The following CRHR2 variants were observed in gnomAD, a reference collection of about 807,000 sequenced individuals.
CRHR2 encodes the protein corticotropin releasing hormone receptor 2, also known as corticotropin-releasing hormone receptor 2.
In CRHR2, 53 loss-of-function variants were observed where a neutral mutation model predicts 57.9. The observed-to-expected ratio is 0.92, with a 90% CI of 0.73 to 1.15. The LOEUF is 1.15. Ranked by LOEUF, CRHR2 falls within the 50% of genes most tolerant of loss-of-function variation. The pLI, the probability that CRHR2 is intolerant of heterozygous loss-of-function variation, is 0.00. For missense variants in CRHR2, 532 were observed against 542.6 expected (o/e 0.98, Z 0.19); for synonymous variants, 213 against 220.9 (o/e 0.96, Z 0.32).
rs1396155110 is a variant in CRHR2, at chr7:30,658,528, G to GC, written c.831+2044dup. Reference sequence around the variant, plus strand: ...AGATGGGCTAAGAACTGAAGATGAGGCCCCCCTCCCAAATGAACTGAAGCA... The same window carrying GC: ...AGATGGGCTAAGAACTGAAGATGAGGCCCCCCCTCCCAAATGAACTGAAGCA... On this transcript the variant is annotated intron_variant, in intron 8 of 11. Coordinates refer to ENST00000471646, the MANE Select transcript of CRHR2 (RefSeq NM_001883.5). Among the ~76,000 whole-genome samples, 6 of 152,114 alleles carry GC rather than the reference G, an allele frequency of 3.9e-5. No individual in the cohort carries two copies. The East Asian group carries it at 9.7e-4, about 24-fold the overall frequency.
At chr7:30,671,762 G>A (rs1784360428) in intron 2 of CRHR2, among the ~76,000 whole-genome samples, 1 of 151,780 alleles carries the variant, frequency 6.6e-6, no homozygotes, top group Admixed American at 6.6e-5. Flanking sequence ...AGCTGAGATT[G>A]TGCCACTGCA....
intron 1 of CRHR2, among the ~76,000 whole-genome samples, chr7:30,693,477 C>T (rs1434303916): frequency 6.6e-6 from 1 of 152,350 alleles, no homozygotes; most frequent in East Asian, 1.9e-4. Context: ...GCACGGTGCT[C>T]TGCGCCCTCC....
intron 1 of CRHR2, among the ~76,000 whole-genome samples, chr7:30,690,895 T>C (rs917738163): frequency 4.6e-5 from 7 of 152,202 alleles, no homozygotes; most frequent in Non-Finnish European, 8.8e-5. Flanking sequence ...GTGTGTGTTG[T>C]GTGTGTGTCT....
intron 1 of CRHR2, chr7:30,699,937 C>A (rs755701912): frequency 6.6e-6 from 10 of 1,508,958 alleles, no homozygotes; most frequent in Admixed American, 4.3e-5. Context: ...CCACTCCCTG[C>A]ACTTACGTAT....
intron 5 of CRHR2, among the ~76,000 whole-genome samples, chr7:30,664,084 C>A (rs1237411314): frequency 6.6e-6 from 1 of 152,238 alleles, no homozygotes; most frequent in African/African-American, 2.4e-5. Context: ...TCTATTAGCA[C>A]AAGCCCACGT....
At chr7:30,655,484 G>T in intron 10 of CRHR2, 96 bp downstream of exon 10, 1 of 1,424,062 alleles carries the variant, frequency 7.0e-7, no homozygotes, top group Non-Finnish European at 9.5e-7. Flanking sequence ...AGCCATGGGT[G>T]TGCCAGTCCC....
At chr7:30,675,825 C>G (rs60335252) in intron 2 of CRHR2, among the ~76,000 whole-genome samples, 1 of 152,340 alleles carries the variant, frequency 6.6e-6, no homozygotes, top group East Asian at 1.9e-4. Context: ...CTTCCTAGAA[C>G]AGGAGCCCCT....
Position 30,665,279 on chromosome 7 carries a change from G to T in CRHR2, c.426-92C>A. ...GCCAGGTAGAGACTCAGCCTGGGAT[G>T]AGGGCAGGGCTGCACTAGGAGCCAC... On this transcript the variant is annotated intron_variant, in intron 4 of 11. Coordinates refer to ENST00000471646, the MANE Select transcript of CRHR2 (RefSeq NM_001883.5). This position sits in a 1 kb window ranked among gnomAD's most constrained non-coding sequence, Gnocchi z 4.5. The T allele has an allele frequency of 1.7e-6, 2 of 1,160,514 alleles. No individual in the cohort carries two copies. Among genetic ancestry groups the T allele is most frequent in the Non-Finnish European group, 1.3e-6 (1 of 781,428 alleles). 71.9% of individuals were successfully genotyped at this position (1,160,514 alleles called of 1,614,324 possible). A position where few individuals can be genotyped will look rare whatever the true frequency, so the allele number is the denominator to read the frequency against.
chr7:30,675,285 A>T (rs1424111427), intron 2 of CRHR2, among the ~76,000 whole-genome samples: 4 of 152,204 alleles, frequency 2.6e-5, no homozygotes, highest in African/African-American at 4.8e-5. Context: ...CTCCTCCTTC[A>T]GCCCGTCTTC....
Position 30,662,145 on chromosome 7 carries a change from C to A in CRHR2, c.758+11G>T. The A allele has an allele frequency of 6.2e-7, 1 of 1,613,906 alleles. No homozygotes were observed. Among genetic ancestry groups the A allele is most frequent in the South Asian group, 1.1e-5 (1 of 91,058 alleles). ...TCCCCATGACCCCCCATGGCTGGCCCATCCACTTACTGTTCATTCTCATAG... is the reference window on the plus strand; with the variant it reads ...TCCCCATGACCCCCCATGGCTGGCCAATCCACTTACTGTTCATTCTCATAG... On this transcript the variant is annotated intron_variant, in intron 7 of 11. Transcript: ENST00000471646.
Position 30,653,382 on chromosome 7 carries a change from G to A in CRHR2, c.*78C>T. On this transcript the variant is annotated 3_prime_UTR_variant, in exon 12 of 12. Coordinates refer to ENST00000471646, the MANE Select transcript of CRHR2 (RefSeq NM_001883.5). This position sits in a 1 kb window ranked among gnomAD's most constrained non-coding sequence, Gnocchi z 5.0. ...TCCCCTCCCATCTCCTGCCCCACGA[G>A]AGCCTGCCCAGCACAGAGAACCCAG... 6.5e-7 allele frequency: 1 copy of A among 1,545,538 alleles called. No homozygotes were observed. The highest frequency in any genetic ancestry group is 2.3e-5 in the East Asian group (1 of 43,808).
chr7:30,691,316 A>G (rs760371562), intron 1 of CRHR2, among the ~76,000 whole-genome samples: 4 of 152,230 alleles, frequency 2.6e-5, no homozygotes, highest in Non-Finnish European at 5.9e-5. Flanking sequence ...ACCCAGAGGC[A>G]TGCAGTGTCC....
chr7:30,684,337 C>T (rs1040643852), upstream of CRHR2, among the ~76,000 whole-genome samples: 3 of 152,236 alleles, frequency 2.0e-5, no homozygotes, highest in South Asian at 2.1e-4. Context: ...TCACACAGCA[C>T]GGTGCAGCAC....
upstream of CRHR2, among the ~76,000 whole-genome samples, chr7:30,684,378 A>C (rs1230362441): frequency 2.0e-5 from 3 of 152,222 alleles, no homozygotes; most frequent in African/African-American, 7.2e-5. Context: ...AGCCAAGCTT[A>C]AGTTATTATC....
At chr7:30,686,532 G>A (rs905206899), upstream of CRHR2, 138 of 1,508,364 alleles carry the variant, frequency 9.1e-5, no homozygotes, top group Admixed American at 3.2e-4. Flanking sequence ...TTCTTGGCCA[G>A]GTGCAGTGGC....
In CRHR2 at chr7:30,681,909, A is replaced by G. The variant is rs559030402; in HGVS notation, c.229+6T>C. 1 of 1,606,632 alleles carries G rather than the reference A, an allele frequency of 6.2e-7. No homozygotes were observed. The highest frequency in any genetic ancestry group is 1.1e-5 in the South Asian group (1 of 90,044). On this transcript the variant is annotated splice_donor_region_variant and intron_variant, in intron 2 of 11. Transcript: ENST00000471646. ...AGAGCAGGCAGCGAGGGCCGGGGGC[A>G]CTCACGGGTCGTGTTGTACTTGACG...
intron 2 of CRHR2, among the ~76,000 whole-genome samples, chr7:30,667,896 A>G (rs938687538): frequency 3.9e-5 from 6 of 152,246 alleles, no homozygotes; most frequent in Admixed American, 1.3e-4. Flanking sequence ...CTGGCCAAGG[A>G]TACAAAGATG....
chr7:30,679,233 G>C (rs909818562), intron 2 of CRHR2, among the ~76,000 whole-genome samples: 1 of 152,214 alleles, frequency 6.6e-6, no homozygotes, highest in African/African-American at 2.4e-5. Flanking sequence ...CCGGAGGTAT[G>C]AGTCTTCTTT....
At chr7:30,655,473 G>A in intron 10 of CRHR2, 107 bp downstream of exon 10, 1 of 1,359,862 alleles carries the variant, frequency 7.4e-7, no homozygotes, top group South Asian at 1.4e-5. Flanking sequence ...GGATGTAACT[G>A]AGCCATGGGT....
Sources: allele counts gnomAD v4.1 joint callset (sites outside exome capture counted in the v4.1 genomes callset), GRCh38; gene constraint gnomAD v4.1.1; non-coding constraint Gnocchi (gnomAD v3.1); transcripts MANE v1.5; gene names NCBI Gene and HGNC (gene_info 2026-07-23, HGNC 2026-07-21).